The following KCNN1 variants were observed in gnomAD, a reference collection of about 807,000 sequenced individuals.
The protein encoded by KCNN1 is small conductance calcium-activated potassium channel protein 1.
A neutral mutation model predicts 44.7 loss-of-function variants in KCNN1; 20 were observed. That is an observed-to-expected ratio of 0.45 (90% CI 0.32 to 0.65). The LOEUF is 0.65. KCNN1 is among the 30% of genes least tolerant of loss of function. KCNN1 has a pLI of 0.05. For synonymous variants in KCNN1, 324 were observed against 341.7 expected (o/e 0.95, Z 0.57); for missense variants, 632 against 785.3 (o/e 0.80, Z 2.33).
upstream of KCNN1, among the ~76,000 whole-genome samples, chr19:17,963,215 G>A (rs2031724607): frequency 2.7e-5 from 4 of 149,950 alleles, no homozygotes; most frequent in East Asian, 2.0e-4. Flanking sequence ...GGGTTTCACC[G>A]TGTTAGCCAG....
At position 17,998,510 on chromosome 19, in the gene KCNN1, TGA is replaced by T; in HGVS notation, c.*106_*107del. 1 of 1,140,586 alleles carries T rather than the reference TGA, an allele frequency of 8.8e-7. No individual in the cohort carries two copies. Among genetic ancestry groups the T allele is most frequent in the Non-Finnish European group, 1.2e-6 (1 of 837,366 alleles). 70.7% of individuals were successfully genotyped at this position (1,140,586 alleles called of 1,614,324 possible). ...CTCTTGGAGTTCAAGAAGCCAACGC[TGA>T]GTCAGGCTGAGTGGACTGAGGCCTG... On this transcript the variant is annotated 3_prime_UTR_variant, in exon 10 of 10. Transcript: ENST00000684775. The surrounding 1 kb of genome is among the most constrained non-coding windows in gnomAD (Gnocchi z 5.4).
At chr19:17,952,733 G>C (rs894386392) in intron 1 of KCNN1, among the ~76,000 whole-genome samples, 3 of 152,108 alleles carry the variant, frequency 2.0e-5, no homozygotes, top group African/African-American at 4.8e-5. Flanking sequence ...GCGTTGTGGC[G>C]GGGATTCCCT....
At chr19:17,979,685 C>G (rs1033645201) in intron 3 of KCNN1, among the ~76,000 whole-genome samples, 1 of 152,052 alleles carries the variant, frequency 6.6e-6, no homozygotes, top group Non-Finnish European at 1.5e-5. Context: ...CAGGGTACCC[C>G]ATGGAGGGTG....
chr19:17,977,933 A>G (rs1599360804), intron 3 of KCNN1, among the ~76,000 whole-genome samples: 1 of 152,190 alleles, frequency 6.6e-6, no homozygotes, highest in East Asian at 1.9e-4. Flanking sequence ...GAAGATGCAA[A>G]TCCGCAGAGA....
chr19:17,998,129 C>T lies in KCNN1; in HGVS notation c.1378-23C>T, dbSNP rs760259341. On this transcript the variant is annotated intron_variant, in intron 9 of 9. Coordinates refer to ENST00000684775, the MANE Select transcript of KCNN1 (RefSeq NM_001386974.1). The surrounding 1 kb of genome is among the most constrained non-coding windows in gnomAD (Gnocchi z 5.4). ...TCTCTCACTCAGCGGCGCCTCTCTC[C>T]TGCCCCTCTCTGTCTCCCGCAGACC... The T allele has an allele frequency of 1.9e-6, 3 of 1,562,972 alleles. No homozygotes were observed. The South Asian group carries it at 3.6e-5, about 19-fold the overall frequency.
chr19:17,964,637 C>A (rs547203027), upstream of KCNN1, among the ~76,000 whole-genome samples: 5 of 152,350 alleles, frequency 3.3e-5, no homozygotes, highest in Admixed American at 3.3e-4. The surrounding 1 kb of genome is among the most constrained non-coding windows in gnomAD (Gnocchi z 4.3). Context: ...GAGACCCAGA[C>A]AGCCCCCACC....
chr19:17,978,687 G>C (rs9989677), intron 3 of KCNN1, among the ~76,000 whole-genome samples: 5,408 of 150,384 alleles, frequency 0.036, 330 homozygotes, highest in African/African-American at 0.12. Flanking sequence ...TCCTGGGCTA[G>C]AGTGATCCTC....
At chr19:17,984,686 G>A (rs955685072) in intron 4 of KCNN1, among the ~76,000 whole-genome samples, 3 of 152,150 alleles carry the variant, frequency 2.0e-5, no homozygotes, top group African/African-American at 7.2e-5. Flanking sequence ...GCCTGGCTGT[G>A]ACCAGGACTA....
Position 17,974,074 on chromosome 19 carries a change from G to A in KCNN1, c.186G>A (p.Gln62=). Residue 62 remains glutamine, a synonymous_variant, in exon 2 of 10, where the codon CAG becomes CAA. Coordinates refer to ENST00000684775, the MANE Select transcript of KCNN1 (RefSeq NM_001386974.1). The surrounding 1 kb of genome is among the most constrained non-coding windows in gnomAD (Gnocchi z 7.3). Reference sequence around the variant, plus strand: ...CCTCACCCGGCAGCCCCCGGGGGCAGCCCCAGGACCAGGACGATGACGAGG... The same window carrying A: ...CCTCACCCGGCAGCCCCCGGGGGCAACCCCAGGACCAGGACGATGACGAGG... ...ARPSPGSPRG[Q]PQDQDDDEDD... is the part of the protein sequence containing the mutation. The A allele has an allele frequency of 1.2e-6, 2 of 1,611,588 alleles. No individual in the cohort carries two copies. The highest frequency in any genetic ancestry group is 8.5e-7 in the Non-Finnish European group (1 of 1,179,754).
chr19:17,965,182 C>A (rs1475911088), upstream of KCNN1, among the ~76,000 whole-genome samples: 1 of 151,712 alleles, frequency 6.6e-6, no homozygotes, highest in Non-Finnish European at 1.5e-5. Flanking sequence ...ATGAGAATTG[C>A]TTGAACCCAG....
chr19:17,979,434 A>G (rs1443067060), intron 3 of KCNN1, among the ~76,000 whole-genome samples: 1 of 135,538 alleles, frequency 7.4e-6, no homozygotes, highest in Admixed American at 8.5e-5. Flanking sequence ...CTCCGTCTCA[A>G]AAAAAAAAAA....
In KCNN1 at chr19:17,974,946, C is replaced by T. The variant is rs1220865124; in HGVS notation, c.403-146C>T. The T allele has an allele frequency of 3.1e-6, 2 of 641,300 alleles. No homozygotes were observed. The highest frequency in any genetic ancestry group is 5.4e-5 in the East Asian group (2 of 36,834). 39.7% of individuals were successfully genotyped at this position (641,300 alleles called of 1,614,324 possible). A position where few individuals can be genotyped will look rare whatever the true frequency, so the allele number is the denominator to read the frequency against. ...AGCAGCCCCAGGACTGGGGAACTAG[C>T]AGAAATTCAGGGTACAGTGGGAGAA... On this transcript the variant is annotated intron_variant, in intron 2 of 9. Transcript: ENST00000684775. This position sits in a 1 kb window ranked among gnomAD's most constrained non-coding sequence, Gnocchi z 7.3.
intron 5 of KCNN1, among the ~76,000 whole-genome samples, chr19:17,987,830 C>T (rs529026825): frequency 7.4e-6 from 1 of 135,452 alleles, no homozygotes; most frequent in South Asian, 2.4e-4. Context: ...GACCCCATAT[C>T]GCTACCAAAA....
At position 17,979,306 on chromosome 19, in the gene KCNN1, G is replaced by A. The variant is rs1429516477; in HGVS notation, c.499-2403G>A. ...ACATTAGCCAGGCGTGGTGGCGGGC[G>A]CCTGTAGTCCCAGCTACTCGGGAGG... On this transcript the variant is annotated intron_variant, in intron 3 of 9. Coordinates refer to ENST00000684775, the MANE Select transcript of KCNN1 (RefSeq NM_001386974.1). 7.9e-5 allele frequency among the ~76,000 whole-genome samples: 12 copies of A among 151,174 alleles called. No individual in the cohort carries two copies. The East Asian group carries it at 9.8e-4, about 12-fold the overall frequency.
chr19:17,998,472 T>C lies in KCNN1; in HGVS notation c.*66T>C. ...TGTGGCCGCCACCTCCGGGAAGCCTTGTACAGTGGCGCCTCTTGGAGTTCA... is the reference window on the plus strand; with the variant it reads ...TGTGGCCGCCACCTCCGGGAAGCCTCGTACAGTGGCGCCTCTTGGAGTTCA... On this transcript the variant is annotated 3_prime_UTR_variant, in exon 10 of 10. Coordinates refer to ENST00000684775, the MANE Select transcript of KCNN1 (RefSeq NM_001386974.1). The surrounding 1 kb of genome is among the most constrained non-coding windows in gnomAD (Gnocchi z 5.4). 1 of 1,397,900 alleles carries C rather than the reference T, an allele frequency of 7.2e-7. No individual in the cohort carries two copies. 86.6% of individuals were successfully genotyped at this position (1,397,900 alleles called of 1,614,324 possible).
chr19:17,962,527 A>G (rs2031705626), upstream of KCNN1, among the ~76,000 whole-genome samples: 1 of 152,056 alleles, frequency 6.6e-6, no homozygotes, highest in Non-Finnish European at 1.5e-5. Context: ...TTAGAGTACA[A>G]GTCCTGCACA....
Position 17,977,192 on chromosome 19 carries a change from G to A in KCNN1, c.498+2005G>A, listed in dbSNP as rs543100653. ...CTTTTGGTTGCTGCTGGCAATTTTG[G>A]GGGTTCTCAGCTTAGGAGATGTGTC... is the stretch of plus-strand genomic sequence containing the variant. On this transcript the variant is annotated intron_variant, in intron 3 of 9. Transcript: ENST00000684775. 9.2e-5 allele frequency among the ~76,000 whole-genome samples: 14 copies of A among 152,190 alleles called. No homozygotes were observed. The East Asian group carries it at 2.7e-3, about 29-fold the overall frequency.
chr19:17,951,861 C>G (rs2031417832), intron 1 of KCNN1, among the ~76,000 whole-genome samples: 1 of 152,188 alleles, frequency 6.6e-6, no homozygotes, highest in Admixed American at 6.5e-5. Flanking sequence ...GAGCGGCCCC[C>G]CAGAGTGAGG....
At chr19:17,960,917 TA>T (rs1375741653) in intron 2 of KCNN1, among the ~76,000 whole-genome samples, 1 of 152,094 alleles carries the variant, frequency 6.6e-6, no homozygotes, top group Non-Finnish European at 1.5e-5. Context: ...GAGCCCACCC[TA>T]ATCTACCATG....
Sources: allele counts gnomAD v4.1 joint callset (sites outside exome capture counted in the v4.1 genomes callset), GRCh38; gene constraint gnomAD v4.1.1; non-coding constraint Gnocchi (gnomAD v3.1); transcripts MANE v1.5; gene names NCBI Gene and HGNC (gene_info 2026-07-23, HGNC 2026-07-21).